Variants in KLRG1 observed in about 807,000 individuals in gnomAD.
KLRG1 encodes killer cell lectin like receptor G1.
A neutral mutation model predicts 21.8 loss-of-function variants in KLRG1; 16 were observed. The observed-to-expected ratio is 0.73, with a 90% CI of 0.50 to 1.11. The LOEUF (loss-of-function observed/expected upper bound fraction) is 1.11, where lower values mean the gene tolerates loss of function less well. Ranked by LOEUF, KLRG1 falls within the 50% of genes most tolerant of loss-of-function variation. The pLI is 0.00. For missense variants in KLRG1, 173 were observed against 218.3 expected (o/e 0.79, Z 1.31); for synonymous variants, 69 against 75.9 (o/e 0.91, Z 0.47).
chr12:9,207,782 G>GGA, the KLRG1 span, among the ~76,000 whole-genome samples: 1 of 152,208 alleles, frequency 6.6e-6, no homozygotes, highest in African/African-American at 2.4e-5. Flanking sequence ...TTATTGAGTT[G>GGA]TACCAACTTA....
At chr12:9,111,565 A>G in the KLRG1 span, 2 of 456,252 alleles carry the variant, frequency 4.4e-6, no homozygotes, top group African/African-American at 4.0e-5. Context: ...GGATGTGGGT[A>G]TGAGAGAAAG....
the KLRG1 span, chr12:9,067,356 CCT>C: frequency 9.2e-6 from 2 of 217,388 alleles, no homozygotes; most frequent in Non-Finnish European, 1.8e-5. Flanking sequence ...AATTATCTTG[CCT>C]CTCAATATGA....
the KLRG1 span, chr12:9,193,970 A>T: frequency 8.3e-6 from 9 of 1,090,438 alleles, no homozygotes; most frequent in Non-Finnish European, 1.1e-5. Flanking sequence ...TCAAAGTTAG[A>T]TATCTTCTTA....
At chr12:9,119,207 A>G in the KLRG1 span, among the ~76,000 whole-genome samples, 1 of 152,258 alleles carries the variant, frequency 6.6e-6, no homozygotes, top group Admixed American at 6.5e-5. Context: ...GTATTGATTC[A>G]TAATGTAACA....
the KLRG1 span, among the ~76,000 whole-genome samples, chr12:9,084,506 C>A: frequency 6.6e-6 from 1 of 151,760 alleles, no homozygotes; most frequent in South Asian, 2.1e-4. Context: ...ACTGTAAACC[C>A]CATAGTAACA....
At chr12:9,072,823 A>C in the KLRG1 span, 1 of 1,614,140 alleles carries the variant, frequency 6.2e-7, no homozygotes, top group Non-Finnish European at 8.5e-7. Flanking sequence ...GTCCTGGTAA[A>C]TGTGGCTGCT....
chr12:9,022,162 A>C, the KLRG1 span, among the ~76,000 whole-genome samples: 710 of 152,294 alleles, frequency 4.7e-3, 10 homozygotes, highest in African/African-American at 0.016. Flanking sequence ...AGTATACTAA[A>C]TACATAAACA....
At chr12:9,057,959 C>T in the KLRG1 span, 1 of 152,166 alleles carries the variant, frequency 6.6e-6, no homozygotes, top group Non-Finnish European at 1.5e-5. Context: ...GTTTATTAGT[C>T]TTTTAAACGA....
chr12:9,098,454 C>A, the KLRG1 span: 3 of 534,420 alleles, frequency 5.6e-6, no homozygotes, highest in Non-Finnish European at 5.8e-6. Flanking sequence ...ATATATAATT[C>A]CTTACCAATG....
chr12:9,027,662 C>CA, the KLRG1 span: 1 of 949,680 alleles, frequency 1.1e-6, no homozygotes, highest in South Asian at 1.3e-5. Context: ...TTCTTCCCTT[C>CA]ATGGGTCCAA....
the KLRG1 span, chr12:9,202,626 G>T: frequency 1.2e-6 from 2 of 1,614,070 alleles, no homozygotes; most frequent in Non-Finnish European, 1.7e-6. Context: ...ATCTTGCGTA[G>T]GCCCCTTTAT....
the KLRG1 span, chr12:9,077,335 G>T: frequency 4.0e-5 from 65 of 1,610,022 alleles, no homozygotes; most frequent in Non-Finnish European, 5.1e-5. Flanking sequence ...GAGGAATGGG[G>T]TGGTACCTAC....
At chr12:9,107,778 A>T in the KLRG1 span, 1 of 955,132 alleles carries the variant, frequency 1.0e-6, no homozygotes, top group Non-Finnish European at 1.5e-6. Context: ...GGCTCACACA[A>T]TATTGAAGAC....
the KLRG1 span, chr12:9,196,286 G>A: frequency 2.0e-5 from 28 of 1,376,368 alleles, no homozygotes; most frequent in Non-Finnish European, 2.9e-5. Context: ...GTGCTTAGGT[G>A]CAACTGGATA....
chr12:9,082,094 G>A, the KLRG1 span, among the ~76,000 whole-genome samples: 2 of 152,174 alleles, frequency 1.3e-5, no homozygotes, highest in Non-Finnish European at 2.9e-5. Flanking sequence ...GAAGTGTAGG[G>A]GTTAAATATG....
At chr12:9,203,891 G>A in the KLRG1 span, 1 of 1,614,150 alleles carries the variant, frequency 6.2e-7, no homozygotes. Flanking sequence ...GGCTCAGAAG[G>A]ACACAGCCCT....
the KLRG1 span, among the ~76,000 whole-genome samples, chr12:9,182,551 A>G: frequency 6.6e-6 from 1 of 152,178 alleles, no homozygotes; most frequent in African/African-American, 2.4e-5. Flanking sequence ...TCTGTATGTA[A>G]AAAAAAGTTC....
chr12:9,171,516 C>T, the KLRG1 span, among the ~76,000 whole-genome samples: 1 of 152,148 alleles, frequency 6.6e-6, no homozygotes, highest in Non-Finnish European at 1.5e-5. Context: ...TAAGAATTGA[C>T]AGAAGTAGAC....
At chr12:9,149,735 CAAG>C in the KLRG1 span, 2 of 718,744 alleles carry the variant, frequency 2.8e-6, no homozygotes, top group African/African-American at 3.5e-5. Flanking sequence ...TGTAAATAGA[CAAG>C]AATTAAACAG....
Sources: gnomAD v4.1 joint callset for allele counts (sites outside exome capture counted in the v4.1 genomes callset) on GRCh38, gnomAD v4.1.1 for gene constraint, MANE v1.5 for transcripts, NCBI Gene and HGNC (gene_info 2026-07-23, HGNC 2026-07-21) for gene names.